ZFPM1: variants seen among roughly 807,000 people sequenced by gnomAD.
The protein encoded by ZFPM1 is zinc finger protein, FOG family member 1.
Under a neutral mutation model 46.3 loss-of-function variants are expected in ZFPM1, and 28 were observed. That is an observed-to-expected ratio of 0.60 (90% CI 0.45 to 0.83). The LOEUF (loss-of-function observed/expected upper bound fraction) is 0.83. Among genes scored for constraint, ZFPM1 ranks in the 40% least tolerant of loss-of-function variants. The pLI is 0.00. For synonymous variants in ZFPM1, 957 were observed against 675.9 expected, an observed-to-expected ratio of 1.42 and a Z score of -6.45; for missense variants, 1,878 against 1,432.4, an observed-to-expected ratio of 1.31 and a Z score of -5.02.
intron 3 of ZFPM1, among the ~76,000 whole-genome samples, chr16:88,500,555 G>A (rs2142398796): frequency 6.6e-6 from 1 of 152,386 alleles, no homozygotes; most frequent in Non-Finnish European, 1.5e-5. Context: ...TGCTGGTGCT[G>A]TCGCTGTCAC....
Position 88,534,646 on chromosome 16 carries a change from C to G in ZFPM1, c.2688C>G (p.Ala896=), listed in dbSNP as rs941639339. The G allele has an allele frequency of 7.9e-5, 81 of 1,031,568 alleles. No homozygotes were observed. The African/African-American group carries it at 1.3e-3, about 16-fold the overall frequency. 63.9% of individuals were successfully genotyped at this position (1,031,568 alleles called of 1,614,324 possible). Residue 896 remains alanine (A), a synonymous_variant, in exon 10 of 10, where the codon GCC becomes GCG. Transcript: ENST00000319555. ...AGPGVEARTP[A]DRGPSPAPAP... ...CGGGGGTCGAGGCCCGGACGCCGGC[C>G]GACCGCGGCCCCTCGCCCGCTCCCG...
chr16:88,529,431 C>T (rs1912607764), intron 6 of ZFPM1, among the ~76,000 whole-genome samples: 1 of 152,006 alleles, frequency 6.6e-6, no homozygotes. Context: ...GGCAAAGAGA[C>T]CTGCAGGGCC....
At chr16:88,522,399 G>A (rs563154376) in intron 4 of ZFPM1, among the ~76,000 whole-genome samples, 13 of 152,304 alleles carry the variant, frequency 8.5e-5, no homozygotes, top group Non-Finnish European at 1.3e-4. Flanking sequence ...CCACCCTCCC[G>A]TGAACCTGCT....
intron 3 of ZFPM1, among the ~76,000 whole-genome samples, chr16:88,501,678 G>A (rs781259940): frequency 7.1e-6 from 1 of 140,924 alleles, no homozygotes; most frequent in African/African-American, 2.7e-5. Context: ...TAGAGATAGC[G>A]GGTGTGGGTG....
At chr16:88,515,630 C>T (rs1028852972) in intron 4 of ZFPM1, among the ~76,000 whole-genome samples, 2 of 152,224 alleles carry the variant, frequency 1.3e-5, no homozygotes, top group African/African-American at 4.8e-5. Context: ...CAGGGCATGG[C>T]TCAGTGGGCA....
In ZFPM1 at chr16:88,480,082, G is replaced by A. The variant is rs1908865435; in HGVS notation, c.41-5857G>A. Among the ~76,000 whole-genome samples the A allele has an allele frequency of 6.6e-6, 1 of 151,950 alleles. No homozygotes were observed. Among genetic ancestry groups the A allele is most frequent in the South Asian group, 2.1e-4 (1 of 4,818 alleles). On this transcript the variant is annotated intron_variant, in intron 1 of 9. Coordinates refer to ENST00000319555, the MANE Select transcript of ZFPM1 (RefSeq NM_153813.3). This position sits in a 1 kb window ranked among gnomAD's most constrained non-coding sequence, Gnocchi z 4.9. ...TTGATCCGCTGAAACCAGGCTCAGG[G>A]AGAAGCCGCCTGCCCTGTGCCAGCC... is the stretch of plus-strand genomic sequence containing the variant.
chr16:88,532,256 C>A, intron 7 of ZFPM1, 21 bp downstream of exon 7: 1 of 1,571,266 alleles, frequency 6.4e-7, no homozygotes, highest in Middle Eastern at 1.7e-4. Flanking sequence ...ACCCCGGACG[C>A]GGGTCCTCAG....
intron 1 of ZFPM1, among the ~76,000 whole-genome samples, chr16:88,485,440 C>CTTT (rs56232487): frequency 7.2e-6 from 1 of 139,232 alleles, no homozygotes; most frequent in Non-Finnish European, 1.6e-5. Context: ...ATCATCAGGT[C>CTTT]TTTTTTTTTT....
Position 88,534,393 on chromosome 16 carries a change from C to T in ZFPM1, c.2435C>T (p.Ala812Val), listed in dbSNP as rs1375180564. The T allele has an allele frequency of 6.8e-7, 1 of 1,471,866 alleles. No individual in the cohort carries two copies. The highest frequency in any genetic ancestry group is 1.3e-5 in the South Asian group (1 of 79,484). The allele number at this position is 1,471,866 out of a possible 1,614,324, so 91.2% of individuals were successfully genotyped here. The change falls in exon 10 of 10, where the codon GCG (alanine) becomes GTG (valine). Residue 812 changes from alanine to valine, a missense_variant. Coordinates refer to ENST00000319555, the MANE Select transcript of ZFPM1 (RefSeq NM_153813.3). Reference protein sequence around the residue: ...RRPLPGAPAPALADYHECTAC... With the variant: ...RRPLPGAPAPVLADYHECTAC... ...CCGCTCCCCGGAGCCCCGGCACCGG[C>T]GCTGGCCGACTACCACGAGTGCACG...
chr16:88,490,819 C>T (rs1023374196), intron 3 of ZFPM1, among the ~76,000 whole-genome samples: 3 of 152,176 alleles, frequency 2.0e-5, no homozygotes, highest in African/African-American at 7.2e-5. Flanking sequence ...ACGGGCTCCC[C>T]CTGCTGTCCC....
intron 4 of ZFPM1, among the ~76,000 whole-genome samples, chr16:88,518,833 C>G (rs928561313): frequency 7.9e-6 from 1 of 125,870 alleles, no homozygotes; most frequent in Non-Finnish European, 1.6e-5. Context: ...GGTAGATGGA[C>G]AGATGTGTAG....
chr16:88,452,558 C>T (rs545526876), upstream of ZFPM1, among the ~76,000 whole-genome samples: 1 of 152,384 alleles, frequency 6.6e-6, no homozygotes, highest in Non-Finnish European at 1.5e-5. Flanking sequence ...CGGACCCCAC[C>T]GCAGTCTGGG....
chr16:88,534,389 C>G lies in ZFPM1; in HGVS notation c.2431C>G (p.Pro811Ala). Residue 811 changes from proline (P) to alanine (A), a missense_variant, in exon 10 of 10, where the codon CCG (proline) becomes GCG (alanine). Coordinates refer to ENST00000319555, the MANE Select transcript of ZFPM1 (RefSeq NM_153813.3). Reference sequence around the variant, plus strand: ...GCGCCCGCTCCCCGGAGCCCCGGCACCGGCGCTGGCCGACTACCACGAGTG... The same window carrying G: ...GCGCCCGCTCCCCGGAGCCCCGGCAGCGGCGCTGGCCGACTACCACGAGTG... ...PRRPLPGAPA[P>A]ALADYHECTA... 8.2e-6 allele frequency: 12 copies of G among 1,465,422 alleles called. No individual in the cohort carries two copies. The highest frequency in any genetic ancestry group is 1.1e-5 in the Non-Finnish European group (12 of 1,114,350). The allele number at this position is 1,465,422 out of a possible 1,614,324, so 90.8% of individuals were successfully genotyped here.
chr16:88,475,314 A>G (rs1290768203), intron 1 of ZFPM1, among the ~76,000 whole-genome samples: 1 of 152,176 alleles, frequency 6.6e-6, no homozygotes, highest in African/African-American at 2.4e-5. Context: ...CACAGGGACC[A>G]TGGTGAGGGC....
intron 1 of ZFPM1, among the ~76,000 whole-genome samples, chr16:88,473,703 G>A (rs1284357001): frequency 6.6e-6 from 1 of 152,138 alleles, no homozygotes; most frequent in Non-Finnish European, 1.5e-5. Flanking sequence ...TCGCTCCCCA[G>A]CCCAGATTCT....
chr16:88,508,228 C>T (rs780812329), intron 3 of ZFPM1, among the ~76,000 whole-genome samples: 1 of 152,106 alleles, frequency 6.6e-6, no homozygotes, highest in Non-Finnish European at 1.5e-5. Context: ...ACCCGGGAGG[C>T]GGAGGCTGCA....
chr16:88,526,703 C>T lies in ZFPM1; in HGVS notation c.403-111C>T, dbSNP rs1912351318. On this transcript the variant is annotated intron_variant, in intron 4 of 9. Transcript: ENST00000319555. The stretch of plus-strand genomic sequence containing the variant: ...AATGACTGTCCACAGCTTGGCCTAC[C>T]AGCCAAGCCGGGAGGCAGATCCGTG... 11 of 1,208,024 alleles carry T rather than the reference C, an allele frequency of 9.1e-6. No homozygotes were observed. The South Asian group carries it at 1.0e-4, about 11-fold the overall frequency. The allele number at this position is 1,208,024 out of a possible 1,614,324, so 74.8% of individuals were successfully genotyped here. A position where few individuals can be genotyped will look rare whatever the true frequency, so the allele number is the denominator to read the frequency against.
intron 1 of ZFPM1, among the ~76,000 whole-genome samples, chr16:88,463,447 A>C (rs1907990043): frequency 6.6e-6 from 1 of 152,216 alleles, no homozygotes; most frequent in African/African-American, 2.4e-5. Context: ...GCCGCTCTCC[A>C]CACTCAGCCC....
intron 3 of ZFPM1, among the ~76,000 whole-genome samples, chr16:88,500,837 T>C (rs368719588): frequency 1.3e-5 from 2 of 152,254 alleles, no homozygotes; most frequent in East Asian, 1.9e-4. Flanking sequence ...AGCTCGGATC[T>C]TGGCCACCCT....
Sources: allele counts gnomAD v4.1 joint callset (sites outside exome capture counted in the v4.1 genomes callset), GRCh38; gene constraint gnomAD v4.1.1; non-coding constraint Gnocchi (gnomAD v3.1); transcripts MANE v1.5; gene names NCBI Gene and HGNC (gene_info 2026-07-23, HGNC 2026-07-21).